NRXN1: variants seen among roughly 807,000 people sequenced by gnomAD.
NRXN1 encodes neurexin 1, also known as neurexin-1.
Under a neutral mutation model 150.9 loss-of-function variants are expected in NRXN1, and 39 were observed. The observed-to-expected ratio is 0.26, with a 90% CI of 0.20 to 0.34. The LOEUF is 0.34. NRXN1 is among the 10% of genes least tolerant of loss of function. The probability of loss-of-function intolerance (pLI) is 1.00; values close to 1 mark genes in which losing one functional copy is unlikely to be tolerated. For missense variants in NRXN1, 1,815 were observed against 1,949.9 expected (o/e 0.93, Z 1.30); for synonymous variants, 924 against 757.0 (o/e 1.22, Z -3.62).
At chr2:50,579,911 G>C (rs12713114) in intron 8 of NRXN1, among the ~76,000 whole-genome samples, 1 of 151,888 alleles carries the variant, frequency 6.6e-6, no homozygotes, top group East Asian at 1.9e-4. Context: ...TATCATGAAA[G>C]GGTTATATTT....
intron 5 of NRXN1, among the ~76,000 whole-genome samples, chr2:50,664,500 T>C (rs954905669): frequency 3.3e-5 from 5 of 150,356 alleles, no homozygotes; most frequent in Non-Finnish European, 1.5e-5. Flanking sequence ...ACATTGATGA[T>C]TTAAAAAAAA....
intron 5 of NRXN1, among the ~76,000 whole-genome samples, chr2:50,862,881 A>G (rs927032724): frequency 6.6e-6 from 1 of 152,076 alleles, no homozygotes; most frequent in Non-Finnish European, 1.5e-5. Flanking sequence ...TCTCTATGAT[A>G]TGGAAATTCC....
chr2:50,998,450 G>A (rs1209412268), intron 2 of NRXN1, among the ~76,000 whole-genome samples: 1 of 151,984 alleles, frequency 6.6e-6, no homozygotes, highest in Non-Finnish European at 1.5e-5. Flanking sequence ...AAAATGATTT[G>A]CATTTGTATA....
rs140084895 is a variant in NRXN1 at position 50,589,696 on chromosome 2, A to G, written c.1320+30326T>C. Among the ~76,000 whole-genome samples the G allele has an allele frequency of 5.4e-3, 294 of 54,044 alleles. 58 individuals carry two copies. Among genetic ancestry groups the G allele is most frequent in the African/African-American group, 0.011 (284 of 25,294 alleles). 35.5% of individuals were successfully genotyped at this position (54,044 alleles called of 152,430 possible). Reference sequence around the variant, plus strand: ...GCTCACTTTACCAATGAGGAAATCAAGGCTCACTGGAGTTAAGTAGGTTTG... The same window carrying G: ...GCTCACTTTACCAATGAGGAAATCAGGGCTCACTGGAGTTAAGTAGGTTTG... On this transcript the variant is annotated intron_variant, in intron 8 of 22. Transcript: ENST00000401669.
chr2:50,222,739 A>G (rs1423031288), intron 18 of NRXN1, among the ~76,000 whole-genome samples: 1 of 151,946 alleles, frequency 6.6e-6, no homozygotes, highest in Non-Finnish European at 1.5e-5. Flanking sequence ...TATTAAATAA[A>G]AATACTCAAG....
At chr2:50,130,602 A>T (rs1231940496) in intron 18 of NRXN1, among the ~76,000 whole-genome samples, 1 of 152,222 alleles carries the variant, frequency 6.6e-6, no homozygotes, top group African/African-American at 2.4e-5. Context: ...TCTATTGGAA[A>T]GAAAAACATG....
intron 21 of NRXN1, among the ~76,000 whole-genome samples, chr2:50,003,762 T>C (rs1174036334): frequency 1.3e-5 from 2 of 152,154 alleles, no homozygotes; most frequent in Non-Finnish European, 2.9e-5. Context: ...GTGAAATAGA[T>C]AATATTTCCA....
intron 17 of NRXN1, among the ~76,000 whole-genome samples, chr2:50,319,255 A>T (rs966231796): frequency 2.0e-5 from 3 of 152,138 alleles, no homozygotes; most frequent in African/African-American, 7.2e-5. Context: ...ATTCCCTCAC[A>T]TTAATTATAT....
At chr2:50,846,054 C>T (rs917754997) in intron 5 of NRXN1, among the ~76,000 whole-genome samples, 1 of 152,178 alleles carries the variant, frequency 6.6e-6, no homozygotes, top group Non-Finnish European at 1.5e-5. Flanking sequence ...TAGCATCAGA[C>T]AGTGAGTTAC....
chr2:49,973,560 CA>C (rs1558613912), intron 21 of NRXN1, among the ~76,000 whole-genome samples: 1 of 151,950 alleles, frequency 6.6e-6, no homozygotes, highest in East Asian at 1.9e-4. Flanking sequence ...GTACTGAAAG[CA>C]GCTTTTATTC....
At chr2:50,576,206 C>G (rs1373745091) in intron 8 of NRXN1, among the ~76,000 whole-genome samples, 2 of 152,092 alleles carry the variant, frequency 1.3e-5, no homozygotes, top group African/African-American at 4.8e-5. Context: ...GCAGCAGTGA[C>G]TACAAATAGA....
chr2:50,572,708 A>G (rs114895521), intron 8 of NRXN1, among the ~76,000 whole-genome samples: 2,338 of 152,314 alleles, frequency 0.015, 33 homozygotes, highest in Middle Eastern at 0.058. Context: ...CTAACAAGTG[A>G]TAAACCCTGA....
intron 17 of NRXN1, among the ~76,000 whole-genome samples, chr2:50,436,893 T>C (rs1558730283): frequency 6.6e-6 from 1 of 152,224 alleles, no homozygotes; most frequent in African/African-American, 2.4e-5. Flanking sequence ...AGAATGCTTA[T>C]ACTAGATTAT....
At chr2:50,526,030 C>T (rs183553273) in intron 12 of NRXN1, among the ~76,000 whole-genome samples, 3 of 152,148 alleles carry the variant, frequency 2.0e-5, no homozygotes, top group Non-Finnish European at 4.4e-5. Flanking sequence ...TCACCTCCCA[C>T]CCATTTTTCA....
intron 17 of NRXN1, among the ~76,000 whole-genome samples, chr2:50,403,014 C>T (rs2082500323): frequency 6.6e-6 from 1 of 152,084 alleles, no homozygotes; most frequent in East Asian, 1.9e-4. Flanking sequence ...GAGACACTTC[C>T]ATTAACAATT....
chr2:50,524,840 C>T (rs1201252117), intron 12 of NRXN1, among the ~76,000 whole-genome samples: 1 of 151,950 alleles, frequency 6.6e-6, no homozygotes, highest in Non-Finnish European at 1.5e-5. Context: ...CTTAATCATG[C>T]AGTACATCAC....
At chr2:50,630,966 G>A (rs1407357308) in intron 5 of NRXN1, 2 of 358,778 alleles carry the variant, frequency 5.6e-6, no homozygotes, top group Non-Finnish European at 1.1e-5. Context: ...AGCAGAAAAG[G>A]AATGTCTGCT....
At chr2:49,928,039 A>G (rs1669424381) in intron 22 of NRXN1, among the ~76,000 whole-genome samples, 1 of 152,054 alleles carries the variant, frequency 6.6e-6, no homozygotes, top group Admixed American at 6.6e-5. Context: ...ACCTGATGAC[A>G]ATGGAAATTC....
chr2:50,807,087 G>A (rs1005188396), intron 5 of NRXN1, among the ~76,000 whole-genome samples: 1 of 152,200 alleles, frequency 6.6e-6, no homozygotes, highest in African/African-American at 2.4e-5. Flanking sequence ...GAGTGTTATA[G>A]AAAAGCCAGT....
Sources: gnomAD v4.1 joint callset for allele counts (sites outside exome capture counted in the v4.1 genomes callset) on GRCh38, gnomAD v4.1.1 for gene constraint, MANE v1.5 for transcripts, NCBI Gene and HGNC (gene_info 2026-07-23, HGNC 2026-07-21) for gene names.